HPSE2: variants seen among roughly 807,000 people sequenced by gnomAD.
HPSE2 encodes heparanase 2 (inactive).
In HPSE2, 38 loss-of-function variants were observed where a neutral mutation model predicts 60.5. That is an observed-to-expected ratio of 0.63 (90% CI 0.48 to 0.82). The LOEUF (loss-of-function observed/expected upper bound fraction) is 0.82, where lower values mean the gene tolerates loss of function less well. Ranked by LOEUF, HPSE2 falls within the 40% of genes least tolerant of loss-of-function variation. The probability of loss-of-function intolerance (pLI) is 0.00; values close to 1 mark genes in which losing one functional copy is unlikely to be tolerated. For synonymous variants in HPSE2, 295 were observed against 293.2 expected (o/e 1.01, Z -0.06); for missense variants, 713 against 740.4 (o/e 0.96, Z 0.43).
chr10:98,516,355 T>C (rs1316283654), intron 9 of HPSE2, among the ~76,000 whole-genome samples: 1 of 152,172 alleles, frequency 6.6e-6, no homozygotes, highest in Non-Finnish European at 1.5e-5. Context: ...TAAATAAATA[T>C]TTGTTGAATG....
the HPSE2 span, among the ~76,000 whole-genome samples, chr10:99,260,875 G>A: frequency 6.6e-6 from 1 of 152,194 alleles, no homozygotes; most frequent in South Asian, 2.1e-4. Flanking sequence ...TTCTCCCTTA[G>A]CCTATGTTCT....
intron 3 of HPSE2, among the ~76,000 whole-genome samples, chr10:99,024,063 C>T (rs992149952): frequency 2.0e-5 from 3 of 152,080 alleles, no homozygotes; most frequent in Non-Finnish European, 2.9e-5. Context: ...AATTCAAAAT[C>T]GCTGTGTGAG....
intron 3 of HPSE2, among the ~76,000 whole-genome samples, chr10:98,975,761 A>G (rs150165031): frequency 3.9e-4 from 60 of 152,328 alleles, no homozygotes; most frequent in African/African-American, 1.4e-3. Context: ...TAATGCAAAC[A>G]GTTGAGGTTG....
chr10:98,601,756 A>G (rs549620868), intron 9 of HPSE2, among the ~76,000 whole-genome samples: 1 of 151,886 alleles, frequency 6.6e-6, no homozygotes, highest in South Asian at 2.1e-4. Flanking sequence ...TGCAGCTTAG[A>G]CCCACTGCAT....
chr10:98,723,181 T>A (rs190842204), intron 4 of HPSE2, among the ~76,000 whole-genome samples: 171 of 152,334 alleles, frequency 1.1e-3, no homozygotes, highest in African/African-American at 3.8e-3. Flanking sequence ...TGAAGGTGGT[T>A]GAATTTTGTC....
At chr10:98,535,572 T>G (rs1176492986) in intron 9 of HPSE2, among the ~76,000 whole-genome samples, 2 of 152,170 alleles carry the variant, frequency 1.3e-5, no homozygotes, top group Non-Finnish European at 2.9e-5. Context: ...GGTGGACCAC[T>G]TGAAACTCCT....
rs561415725 is a variant in HPSE2, at chr10:99,132,808, C to A, written c.610+11430G>T. Among the ~76,000 whole-genome samples the A allele has an allele frequency of 6.6e-4, 100 of 152,280 alleles. 1 individual carries two copies. The highest frequency in any genetic ancestry group is 2.2e-3 in the African/African-American group (92 of 41,550). On this transcript the variant is annotated intron_variant, in intron 3 of 11. Transcript: ENST00000370552. ...AAGTTTCAAGCACAAAACTGGGTGG[C>A]CATTTGGGCAGATAACGAATTAGGT...
chr10:98,587,881 T>A (rs540208904), intron 9 of HPSE2, among the ~76,000 whole-genome samples: 109 of 152,348 alleles, frequency 7.2e-4, no homozygotes, highest in African/African-American at 2.4e-3. Flanking sequence ...TTTTAAACTT[T>A]TTAAAATTGT....
At chr10:98,605,300 A>G (rs1375988544) in intron 9 of HPSE2, among the ~76,000 whole-genome samples, 2 of 152,206 alleles carry the variant, frequency 1.3e-5, no homozygotes, top group Non-Finnish European at 2.9e-5. Flanking sequence ...CACATCCATC[A>G]TCTATTAACT....
intron 11 of HPSE2, among the ~76,000 whole-genome samples, chr10:98,477,250 T>A (rs1487700203): frequency 6.6e-6 from 1 of 152,212 alleles, no homozygotes; most frequent in African/African-American, 2.4e-5. Flanking sequence ...TTTTTCATTA[T>A]CTATAAAGTT....
At chr10:99,022,532 C>G (rs1000043451) in intron 3 of HPSE2, among the ~76,000 whole-genome samples, 1 of 152,210 alleles carries the variant, frequency 6.6e-6, no homozygotes, top group East Asian at 1.9e-4. Context: ...CAAGGAAGTG[C>G]TTGCACGACT....
chr10:99,001,826 T>C (rs975369427), intron 3 of HPSE2, among the ~76,000 whole-genome samples: 2 of 152,132 alleles, frequency 1.3e-5, no homozygotes, highest in South Asian at 2.1e-4. Context: ...CAAGCTACAG[T>C]ACATTACTAA....
chr10:99,083,897 C>G (rs1426618305), intron 3 of HPSE2, among the ~76,000 whole-genome samples: 1 of 148,758 alleles, frequency 6.7e-6, no homozygotes, highest in African/African-American at 2.5e-5. Flanking sequence ...ATACCTGAGC[C>G]AGAAGGCATT....
chr10:99,129,902 A>T (rs1445899936), intron 3 of HPSE2, among the ~76,000 whole-genome samples: 1 of 152,066 alleles, frequency 6.6e-6, no homozygotes, highest in Non-Finnish European at 1.5e-5. Context: ...CAAGAAAAGA[A>T]GAGAGAAGAT....
chr10:99,013,452 A>G, intron 3 of HPSE2: 1 of 485,724 alleles, frequency 2.1e-6, no homozygotes, highest in Non-Finnish European at 3.9e-6. Context: ...TCCATTAGGA[A>G]ATGTATATTA....
intron 7 of HPSE2, among the ~76,000 whole-genome samples, chr10:98,634,384 A>G (rs1222702358): frequency 6.6e-6 from 1 of 152,190 alleles, no homozygotes; most frequent in African/African-American, 2.4e-5. Flanking sequence ...TTTTGTGGTG[A>G]TACTACTGTT....
intron 5 of HPSE2, among the ~76,000 whole-genome samples, chr10:98,714,458 G>A (rs1948745954): frequency 6.6e-6 from 1 of 151,830 alleles, no homozygotes; most frequent in South Asian, 2.1e-4. Context: ...ACCATACAAT[G>A]TATGGCCTTT....
chr10:98,649,764 G>A (rs1032354976), intron 6 of HPSE2, among the ~76,000 whole-genome samples: 1 of 152,112 alleles, frequency 6.6e-6, no homozygotes, highest in Non-Finnish European at 1.5e-5. Context: ...GTTATATAAA[G>A]AAAAAGGGGC....
chr10:99,086,342 CTTTCT>C (rs1843315273), intron 3 of HPSE2, among the ~76,000 whole-genome samples: 1 of 125,864 alleles, frequency 7.9e-6, no homozygotes, highest in Non-Finnish European at 1.7e-5. Flanking sequence ...CGGAAAAGTA[CTTTCT>C]TTTTTTTTTT....
Sources: allele counts gnomAD v4.1 joint callset (sites outside exome capture counted in the v4.1 genomes callset), GRCh38; gene constraint gnomAD v4.1.1; transcripts MANE v1.5; gene names NCBI Gene and HGNC (gene_info 2026-07-23, HGNC 2026-07-21).